Variants in TMEM132D observed in about 807,000 individuals in gnomAD.
The protein encoded by TMEM132D is transmembrane protein 132D.
Under a neutral mutation model 62.3 loss-of-function variants are expected in TMEM132D, and 21 were observed. The ratio of observed to expected loss-of-function variants is 0.34; its 90% confidence interval spans 0.24 to 0.49. The LOEUF (loss-of-function observed/expected upper bound fraction) is 0.49, where lower values mean the gene tolerates loss of function less well. Among genes scored for constraint, TMEM132D ranks in the 20% least tolerant of loss-of-function variants. The pLI, the probability that TMEM132D is intolerant of heterozygous loss-of-function variation, is 0.99. For synonymous variants in TMEM132D, 621 were observed against 575.6 expected (o/e 1.08, Z -1.13); for missense variants, 1,346 against 1,402.8 (o/e 0.96, Z 0.65).
In TMEM132D at chr12:129,209,640, G is replaced by A. The variant is rs1418331015; in HGVS notation, c.1323C>T (p.Ala441=). 2 of 1,614,194 alleles carry A rather than the reference G, an allele frequency of 1.2e-6. No homozygotes were observed. Among genetic ancestry groups the A allele is most frequent in the African/African-American group, 2.7e-5 (2 of 75,066 alleles). The part of the protein sequence containing the change: ...LAMEAEILNT[A]ILTGKTVAVP... ...CGGCCACCGTCTTCCCCGTGAGGAT[G>A]GCTGTGTTCAGGATTTCTGCCTCCT... Residue 441 remains alanine (A), a synonymous_variant, in exon 5 of 9, where the codon GCC becomes GCT. Coordinates refer to ENST00000422113, the MANE Select transcript of TMEM132D (RefSeq NM_133448.3).
At chr12:129,184,163 G>A (rs989417354) in intron 5 of TMEM132D, among the ~76,000 whole-genome samples, 6 of 152,190 alleles carry the variant, frequency 3.9e-5, no homozygotes, top group South Asian at 4.1e-4. Flanking sequence ...TGCAGTTTCC[G>A]TTAAGACAAC....
chr12:129,340,906 C>T (rs1487803445), intron 3 of TMEM132D, among the ~76,000 whole-genome samples: 2 of 152,150 alleles, frequency 1.3e-5, no homozygotes, highest in African/African-American at 2.4e-5. Context: ...ACGTTGTATG[C>T]GCGTGATTTT....
At chr12:129,337,390 G>T (rs188371605) in intron 4 of TMEM132D, among the ~76,000 whole-genome samples, 3 of 151,176 alleles carry the variant, frequency 2.0e-5, no homozygotes, top group Non-Finnish European at 4.4e-5. Flanking sequence ...TAAATAATAC[G>T]TTAAGAAAAT....
At chr12:129,712,210 T>A (rs1868394024) in intron 1 of TMEM132D, among the ~76,000 whole-genome samples, 1 of 152,142 alleles carries the variant, frequency 6.6e-6, no homozygotes, top group Admixed American at 6.5e-5. Flanking sequence ...CTGCAACATC[T>A]GCCTCCCAGG....
At chr12:129,234,731 T>C (rs1879733027) in intron 4 of TMEM132D, among the ~76,000 whole-genome samples, 1 of 152,228 alleles carries the variant, frequency 6.6e-6, no homozygotes, top group Non-Finnish European at 1.5e-5. Flanking sequence ...TATATGTTAA[T>C]CTGATAGGTT....
At chr12:129,173,920 G>T (rs142703479) in intron 5 of TMEM132D, among the ~76,000 whole-genome samples, 1 of 152,080 alleles carries the variant, frequency 6.6e-6, no homozygotes, top group African/African-American at 2.4e-5. Flanking sequence ...CAGATGTTCC[G>T]AAGAGAGACA....
In TMEM132D at chr12:129,700,298, G is replaced by A. The variant is rs201922398; in HGVS notation, c.480C>T (p.Ser160=). The A allele has an allele frequency of 3.7e-6, 6 of 1,613,638 alleles. No individual in the cohort carries two copies. Among genetic ancestry groups the A allele is most frequent in the East Asian group, 2.2e-5 (1 of 44,868 alleles). ...TCAGGCACGGCAGCTTCTCCCCGGC[G>A]CTGCGGTCGTCCCAGTCTCTGCCCA... is the stretch of plus-strand genomic sequence containing the variant. ...HIMGRDWDDR[S]AGEKLPCLRV... is the part of the protein sequence containing the mutation. Residue 160 remains serine, a synonymous_variant, in exon 2 of 9, where the codon AGC becomes AGT. Coordinates refer to ENST00000422113, the MANE Select transcript of TMEM132D (RefSeq NM_133448.3).
intron 1 of TMEM132D, among the ~76,000 whole-genome samples, chr12:129,812,154 T>G (rs1872205123): frequency 6.6e-6 from 1 of 151,744 alleles, no homozygotes; most frequent in Admixed American, 6.6e-5. Context: ...TACACAATCC[T>G]ACAACCCAAA....
At chr12:129,592,092 C>G (rs1352647563) in intron 2 of TMEM132D, among the ~76,000 whole-genome samples, 2 of 152,086 alleles carry the variant, frequency 1.3e-5, no homozygotes, top group Non-Finnish European at 2.9e-5. Flanking sequence ...TAAAAAGTAC[C>G]ATGTTTTATT....
chr12:129,703,613 A>G (rs577681463), intron 1 of TMEM132D, among the ~76,000 whole-genome samples: 8 of 152,300 alleles, frequency 5.3e-5, no homozygotes, highest in Non-Finnish European at 1.0e-4. Context: ...CATAAAAATT[A>G]GCAAAGTGTT....
intron 1 of TMEM132D, among the ~76,000 whole-genome samples, chr12:129,861,946 T>C (rs922210205): frequency 6.6e-6 from 1 of 151,640 alleles, no homozygotes; most frequent in Admixed American, 6.6e-5. Flanking sequence ...ACTTAACTGC[T>C]CCTGTAGCCA....
At chr12:129,345,155 C>A (rs553801890) in intron 3 of TMEM132D, among the ~76,000 whole-genome samples, 1 of 152,030 alleles carries the variant, frequency 6.6e-6, no homozygotes, top group Non-Finnish European at 1.5e-5. Flanking sequence ...TTGCCTTATT[C>A]GACATTTTTG....
intron 4 of TMEM132D, among the ~76,000 whole-genome samples, chr12:129,227,779 T>TA (rs1879521934): frequency 1.3e-5 from 2 of 151,992 alleles, no homozygotes; most frequent in African/African-American, 4.8e-5. Context: ...CCCTGGTGTG[T>TA]AATGTTCCCC....
chr12:129,342,287 C>G (rs1869517532), intron 3 of TMEM132D, among the ~76,000 whole-genome samples: 1 of 152,196 alleles, frequency 6.6e-6, no homozygotes, highest in African/African-American at 2.4e-5. Context: ...CTACAACTAT[C>G]TGATCTTTGA....
chr12:129,413,569 T>C (rs1872030997), intron 3 of TMEM132D, among the ~76,000 whole-genome samples: 1 of 152,190 alleles, frequency 6.6e-6, no homozygotes, highest in Admixed American at 6.5e-5. Context: ...CCTAGAGAAA[T>C]ATAGTTGATA....
At chr12:129,660,619 G>A (rs541058895) in intron 2 of TMEM132D, among the ~76,000 whole-genome samples, 128 of 152,232 alleles carry the variant, frequency 8.4e-4, no homozygotes, top group African/African-American at 2.5e-3. Context: ...AGGCTCAGTC[G>A]CCATGAAGCC....
chr12:129,166,403 G>A (rs538186060), intron 5 of TMEM132D, among the ~76,000 whole-genome samples: 25 of 152,222 alleles, frequency 1.6e-4, no homozygotes, highest in Non-Finnish European at 2.5e-4. Context: ...TTTCATCTCC[G>A]GCTACTGTTT....
At chr12:129,895,211 G>C (rs1310090105) in intron 1 of TMEM132D, among the ~76,000 whole-genome samples, 1 of 152,188 alleles carries the variant, frequency 6.6e-6, no homozygotes, top group Non-Finnish European at 1.5e-5. Context: ...GTGGACAACA[G>C]TGCTGGGGTG....
intron 3 of TMEM132D, among the ~76,000 whole-genome samples, chr12:129,470,977 A>T (rs1874076977): frequency 6.6e-6 from 1 of 152,194 alleles, no homozygotes; most frequent in African/African-American, 2.4e-5. Flanking sequence ...AGAGGCTCAG[A>T]TAGAGAAAAT....
Sources: gnomAD v4.1 joint callset for allele counts (sites outside exome capture counted in the v4.1 genomes callset) on GRCh38, gnomAD v4.1.1 for gene constraint, MANE v1.5 for transcripts, NCBI Gene and HGNC (gene_info 2026-07-23, HGNC 2026-07-21) for gene names.